UBE2J1: variants seen among roughly 807,000 people sequenced by gnomAD.
UBE2J1 encodes the protein ubiquitin-conjugating enzyme E2 J1.
A neutral mutation model predicts 42.1 loss-of-function variants in UBE2J1; 17 were observed. That is an observed-to-expected ratio of 0.40 (90% CI 0.28 to 0.61). UBE2J1 has a LOEUF of 0.61. Among genes scored for constraint, UBE2J1 ranks in the 20% least tolerant of loss-of-function variants. The probability of loss-of-function intolerance (pLI) is 0.38; values close to 1 mark genes in which losing one functional copy is unlikely to be tolerated. For missense variants in UBE2J1, 291 were observed against 389.4 expected (o/e 0.75, Z 2.13); for synonymous variants, 127 against 137.2 (o/e 0.93, Z 0.52).
Position 89,329,765 on chromosome 6 carries a change from T to C in UBE2J1, c.871A>G (p.Ile291Val), listed in dbSNP as rs1235299357. ...GCCAATGCCAAAGTCAGGATGACAA[T>C]CAGTACAGCTGACCCACCATGATCA... ...HTDHGGSAVL[I>V]VILTLALAAL... The change falls in exon 8 of 8, where the codon ATT (isoleucine) becomes GTT (valine). Residue 291 changes from isoleucine (I) to valine (V), a missense_variant. Physicochemically the swap from Ile to Val is conservative, Grantham distance 29. Transcript: ENST00000435041. 5.0e-6 allele frequency: 8 copies of C among 1,614,100 alleles called. No homozygotes were observed. Among genetic ancestry groups the C allele is most frequent in the Non-Finnish European group, 6.8e-6 (8 of 1,179,984 alleles).
chr6:89,352,526 C>A lies in UBE2J1; in HGVS notation c.31+13G>T. On this transcript the variant is annotated intron_variant, in intron 1 of 7. Transcript: ENST00000435041. ...CTCCGCCCTCCTCGCCCAGGGGCCC[C>A]AGCCCTGCTCACCCGGACTCTTCAG... 6.4e-7 allele frequency: 1 copy of A among 1,568,282 alleles called. No individual in the cohort carries two copies. The highest frequency in any genetic ancestry group is 1.7e-5 in the Admixed American group (1 of 57,168).
At chr6:89,337,201 G>T (rs1016407706) in intron 5 of UBE2J1, among the ~76,000 whole-genome samples, 7 of 149,816 alleles carry the variant, frequency 4.7e-5, no homozygotes, top group African/African-American at 1.7e-4. Context: ...ACAGTGAGAA[G>T]CCTAGAAGAA....
At chr6:89,338,136 C>G in intron 5 of UBE2J1, 69 bp downstream of exon 5, 8 of 1,029,086 alleles carry the variant, frequency 7.8e-6, no homozygotes, top group Non-Finnish European at 1.2e-5. Context: ...AAGAGGTAGG[C>G]CCTACCTCCT....
In UBE2J1 at chr6:89,352,539, C is replaced by T; in HGVS notation, c.31G>A (p.Ala11Thr). 6.4e-7 allele frequency: 1 copy of T among 1,571,014 alleles called. No individual in the cohort carries two copies. Among genetic ancestry groups the T allele is most frequent in the Non-Finnish European group, 8.6e-7 (1 of 1,164,912 alleles). The change falls in exon 1 of 8, where the codon GCT (alanine) becomes ACT (threonine). Residue 11 changes from alanine (A) to threonine (T), a missense_variant and splice_region_variant. Physicochemically the swap from Ala to Thr is moderately conservative, Grantham distance 58. Around this residue, in one of 2 missense-constraint regions of UBE2J1, gnomAD observed 115 missense variants for 193.1 expected, o/e 0.60. Transcript: ENST00000435041. ...GCCCAGGGGCCCCAGCCCTGCTCAC[C>T]CGGACTCTTCAGGTTGTAGCGGGTC... is the stretch of plus-strand genomic sequence containing the variant. METRYNLKSP[A>T]VKRLMKEAAE...
intron 3 of UBE2J1, among the ~76,000 whole-genome samples, chr6:89,341,065 G>A (rs1041611825): frequency 1.3e-5 from 2 of 152,184 alleles, no homozygotes; most frequent in South Asian, 2.1e-4. Context: ...GTGAGCCACC[G>A]CGCCCGGCCT....
chr6:89,337,252 A>G (rs987447325), intron 5 of UBE2J1, among the ~76,000 whole-genome samples: 1 of 150,416 alleles, frequency 6.6e-6, no homozygotes, highest in African/African-American at 2.5e-5. Flanking sequence ...TACCTCGCAC[A>G]TGAAATCAAC....
rs577173600 is a variant in UBE2J1 at position 89,332,055 on chromosome 6, C to T, written c.678+1031G>A. 2.6e-5 allele frequency among the ~76,000 whole-genome samples: 4 copies of T among 152,310 alleles called. 1 individual carries two copies. The South Asian group carries it at 6.2e-4, about 24-fold the overall frequency. ...TCTTCTTCAACCAACTTTTCTCTGC[C>T]CAGCTCACTCTCTGAATAGGAGAGA... is the stretch of plus-strand genomic sequence containing the variant. On this transcript the variant is annotated intron_variant, in intron 7 of 7. Coordinates refer to ENST00000435041, the MANE Select transcript of UBE2J1 (RefSeq NM_016021.3).
intron 1 of UBE2J1, 62 bp from the exon 2 acceptor site, chr6:89,343,818 T>C: frequency 1.5e-6 from 2 of 1,315,058 alleles, no homozygotes; most frequent in Non-Finnish European, 2.1e-6. Flanking sequence ...ATTAGCACAG[T>C]CTTACGAGCC....
chr6:89,350,277 C>T (rs1362148774), intron 1 of UBE2J1, among the ~76,000 whole-genome samples: 1 of 152,228 alleles, frequency 6.6e-6, no homozygotes, highest in Non-Finnish European at 1.5e-5. Context: ...GACAATCCCA[C>T]ATCAGATAAA....
Position 89,329,533 on chromosome 6 carries a change from T to C in UBE2J1, c.*146A>G, listed in dbSNP as rs1767962717. On this transcript the variant is annotated 3_prime_UTR_variant, in exon 8 of 8. Coordinates refer to ENST00000435041, the MANE Select transcript of UBE2J1 (RefSeq NM_016021.3). ...GCTAGACACAGTCTGAATGTCTAGA[T>C]ATATTTATACTAAACTTACAAGGAT... The C allele has an allele frequency of 3.6e-6, 3 of 830,978 alleles. No individual in the cohort carries two copies. The highest frequency in any genetic ancestry group is 5.6e-6 in the Non-Finnish European group (3 of 537,520). 51.5% of individuals were successfully genotyped at this position (830,978 alleles called of 1,614,324 possible).
chr6:89,338,387 A>G, intron 4 of UBE2J1, 72 bp downstream of exon 4: 1 of 1,564,716 alleles, frequency 6.4e-7, no homozygotes, highest in Non-Finnish European at 8.8e-7. Context: ...AGAAAAAATC[A>G]GAGTATTATA....
chr6:89,336,058 T>A (rs1445315085), intron 5 of UBE2J1, among the ~76,000 whole-genome samples: 3 of 152,194 alleles, frequency 2.0e-5, no homozygotes, highest in African/African-American at 7.2e-5. Context: ...AGTCAAAACT[T>A]CCTTGAAGTT....
intron 5 of UBE2J1, among the ~76,000 whole-genome samples, chr6:89,335,752 C>A (rs79179041): frequency 6.6e-6 from 1 of 151,936 alleles, no homozygotes; most frequent in Non-Finnish European, 1.5e-5. Context: ...ATATAACAAA[C>A]CTATTTTAAG....
chr6:89,349,136 C>G (rs1232513560), intron 1 of UBE2J1, among the ~76,000 whole-genome samples: 1 of 152,028 alleles, frequency 6.6e-6, no homozygotes, highest in Non-Finnish European at 1.5e-5. Context: ...ACTCGGGAGG[C>G]AGAGGTGGAA....
At chr6:89,338,042 A>C (rs1223476680) in intron 5 of UBE2J1, among the ~76,000 whole-genome samples, 163 bp downstream of exon 5, 1 of 152,198 alleles carries the variant, frequency 6.6e-6, no homozygotes, top group Non-Finnish European at 1.5e-5. Flanking sequence ...CACTCCAAGG[A>C]AATTATTACA....
intron 1 of UBE2J1, among the ~76,000 whole-genome samples, chr6:89,350,382 C>T (rs1768450419): frequency 6.6e-6 from 1 of 152,112 alleles, no homozygotes. Context: ...CCCTGCCATA[C>T]ACAGGAAATT....
At chr6:89,350,460 AAAGG>A (rs963472876) in intron 1 of UBE2J1, among the ~76,000 whole-genome samples, 4 of 152,202 alleles carry the variant, frequency 2.6e-5, no homozygotes, top group African/African-American at 9.7e-5. Context: ...AGAATAAAGC[AAAGG>A]AAGGAAGTAT....
chr6:89,331,440 A>C (rs766666238), intron 7 of UBE2J1, among the ~76,000 whole-genome samples: 3 of 152,180 alleles, frequency 2.0e-5, no homozygotes, highest in African/African-American at 7.2e-5. Context: ...TTATTTGTAC[A>C]CTCTAATTTA....
chr6:89,340,068 C>T (rs1302444407), intron 3 of UBE2J1, among the ~76,000 whole-genome samples: 6 of 150,688 alleles, frequency 4.0e-5, no homozygotes, highest in Admixed American at 6.6e-5. Context: ...GAGGCCAGGA[C>T]GAAACCTAAG....
Sources: gnomAD v4.1 joint callset for allele counts (sites outside exome capture counted in the v4.1 genomes callset) on GRCh38, gnomAD v4.1.1 for gene constraint, gnomAD v4.1.1 regional missense constraint, MANE v1.5 for transcripts, NCBI Gene and HGNC (gene_info 2026-07-23, HGNC 2026-07-21) for gene names.